ELAVL2: variants seen among roughly 807,000 people sequenced by gnomAD.
ELAVL2 encodes ELAV like RNA binding protein 2.
Under a neutral mutation model 34.6 loss-of-function variants are expected in ELAVL2, and 4 were observed. The observed-to-expected ratio is 0.12, with a 90% CI of 0.06 to 0.26. The LOEUF is 0.26. ELAVL2 is among the 10% of genes least tolerant of loss of function. ELAVL2 has a pLI of 1.00. For synonymous variants in ELAVL2, 193 were observed against 154.8 expected (o/e 1.25, Z -1.83); for missense variants, 432 against 442.8 (o/e 0.98, Z 0.22).
intron 5 of ELAVL2, among the ~76,000 whole-genome samples, chr9:23,695,884 G>A (rs1414082744): frequency 6.6e-6 from 1 of 152,180 alleles, no homozygotes; most frequent in South Asian, 2.1e-4. Context: ...TGTACATGCA[G>A]TGAGGGAGAA....
intron 5 of ELAVL2, among the ~76,000 whole-genome samples, chr9:23,698,463 G>T (rs2036027259): frequency 6.6e-6 from 1 of 151,918 alleles, no homozygotes; most frequent in Admixed American, 6.6e-5. Flanking sequence ...AAAAGATATG[G>T]CTCATACTTT....
At chr9:23,694,158 C>CAG (rs1330400810) in intron 5 of ELAVL2, among the ~76,000 whole-genome samples, 1 of 152,064 alleles carries the variant, frequency 6.6e-6, no homozygotes, top group Non-Finnish European at 1.5e-5. Context: ...GCCAAGAGTT[C>CAG]AGATCCTGAT....
chr9:23,788,351 T>C (rs974105032), intron 1 of ELAVL2, among the ~76,000 whole-genome samples: 1 of 152,146 alleles, frequency 6.6e-6, no homozygotes, highest in African/African-American at 2.4e-5. Context: ...AATAATCCTA[T>C]CATCTCATTC....
rs930289653 is a variant in ELAVL2, at chr9:23,690,809, C to T, written c.*1748G>A. ...CTGATGAAGGCATTTTTGCCTTCAG[C>T]TTTTTTGAAAATTTATTATAAGCTA... On this transcript the variant is annotated 3_prime_UTR_variant, in exon 7 of 7. Coordinates refer to ENST00000397312, the MANE Select transcript of ELAVL2 (RefSeq NM_004432.5). 1.3e-5 allele frequency: 2 copies of T among 152,384 alleles called. No homozygotes were observed. Among genetic ancestry groups the T allele is most frequent in the East Asian group, 3.9e-4 (2 of 5,184 alleles). The allele number at this position is 152,384 out of a possible 1,614,324, so 9.4% of individuals were successfully genotyped here. A position where few individuals can be genotyped will look rare whatever the true frequency, so the allele number is the denominator to read the frequency against.
In ELAVL2 at chr9:23,762,269, G is replaced by C. The variant is rs2055201174; in HGVS notation, c.-15-20C>G. On this transcript the variant is annotated intron_variant, in intron 1 of 6. Coordinates refer to ENST00000397312, the MANE Select transcript of ELAVL2 (RefSeq NM_004432.5). ...TACCTGCTAAAAACAGAGAAAACAAGAAATGTCAGAATTCATATTTCACAA... is the reference window on the plus strand; with the variant it reads ...TACCTGCTAAAAACAGAGAAAACAACAAATGTCAGAATTCATATTTCACAA... 1.9e-6 allele frequency: 3 copies of C among 1,610,566 alleles called. No individual in the cohort carries two copies. The highest frequency in any genetic ancestry group is 1.7e-5 in the Admixed American group (1 of 59,776).
intron 3 of ELAVL2, among the ~76,000 whole-genome samples, chr9:23,707,188 G>C (rs1349246530): frequency 6.6e-6 from 1 of 152,242 alleles, no homozygotes; most frequent in African/African-American, 2.4e-5. Context: ...CCAATTTCAA[G>C]TGATTAATGT....
chr9:23,702,629 C>T (rs1286796891), intron 4 of ELAVL2, among the ~76,000 whole-genome samples: 1 of 151,272 alleles, frequency 6.6e-6, no homozygotes, highest in Non-Finnish European at 1.5e-5. Context: ...AAAATTAATA[C>T]TGTGTAAGGT....
At chr9:23,699,812 G>GTTTTTTTTTTTTTTTTTTTTTTT (rs199637833) in intron 5 of ELAVL2, among the ~76,000 whole-genome samples, 2 of 82,970 alleles carry the variant, frequency 2.4e-5, no homozygotes, top group East Asian at 8.9e-4. Context: ...GGTGGCAAAG[G>GTTTTTTTTTTTTTTTTTTTTTTT]TTTTTTTTTT....
intron 3 of ELAVL2, among the ~76,000 whole-genome samples, chr9:23,728,276 G>A (rs1217495181): frequency 6.6e-6 from 1 of 152,074 alleles, no homozygotes; most frequent in Non-Finnish European, 1.5e-5. Context: ...GGAACAACCT[G>A]GAAAGACAGA....
At chr9:23,821,992 G>T (rs1339883706) in intron 1 of ELAVL2, 1 of 151,658 alleles carries the variant, frequency 6.6e-6, no homozygotes, top group Non-Finnish European at 1.5e-5. Context: ...CCGGGCTTCA[G>T]CAGCTCAGCT....
chr9:23,693,218 G>C (rs927907665), intron 6 of ELAVL2, among the ~76,000 whole-genome samples: 1 of 152,164 alleles, frequency 6.6e-6, no homozygotes, highest in African/African-American at 2.4e-5. Context: ...ATGCTGTAAC[G>C]TCGTAACGCA....
At chr9:23,831,992 G>C in the ELAVL2 span, among the ~76,000 whole-genome samples, 2 of 152,292 alleles carry the variant, frequency 1.3e-5, no homozygotes, top group South Asian at 2.1e-4. Context: ...GTAAAGTTTG[G>C]TGTGATAAGA....
chr9:23,727,886 A>G (rs1173264020), intron 3 of ELAVL2, among the ~76,000 whole-genome samples: 3 of 152,060 alleles, frequency 2.0e-5, no homozygotes, highest in Admixed American at 6.6e-5. Context: ...ACCACCTTTC[A>G]CAGCACTTGA....
chr9:23,746,497 G>A (rs1486585067), intron 2 of ELAVL2, among the ~76,000 whole-genome samples: 1 of 152,066 alleles, frequency 6.6e-6, no homozygotes, highest in Non-Finnish European at 1.5e-5. Flanking sequence ...TAAGTAGTAG[G>A]AAGTAAAACT....
upstream of ELAVL2, among the ~76,000 whole-genome samples, chr9:23,831,118 C>A (rs1489837188): frequency 6.6e-6 from 1 of 152,198 alleles, no homozygotes; most frequent in Non-Finnish European, 1.5e-5. Flanking sequence ...GCCCCTTTAC[C>A]GGGACCTGGG....
At chr9:23,761,685 A>G (rs986767407) in intron 2 of ELAVL2, among the ~76,000 whole-genome samples, 1 of 151,984 alleles carries the variant, frequency 6.6e-6, no homozygotes, top group African/African-American at 2.4e-5. Context: ...TGCTAACTTA[A>G]ATACACTCAG....
intron 1 of ELAVL2, among the ~76,000 whole-genome samples, chr9:23,768,723 A>G (rs2136228519): frequency 1.3e-5 from 2 of 152,310 alleles, no homozygotes; most frequent in South Asian, 4.1e-4. Flanking sequence ...ACCCTGGAAG[A>G]CAAGACAAAT....
intron 5 of ELAVL2, among the ~76,000 whole-genome samples, chr9:23,697,224 C>A (rs1342233909): frequency 1.3e-5 from 2 of 151,996 alleles, no homozygotes; most frequent in African/African-American, 4.8e-5. Context: ...AAATGTAAAT[C>A]AGAGTAAAGA....
At chr9:23,848,959 CT>C in the ELAVL2 span, among the ~76,000 whole-genome samples, 1 of 152,102 alleles carries the variant, frequency 6.6e-6, no homozygotes, top group African/African-American at 2.4e-5. Flanking sequence ...TAAAAGGCAA[CT>C]GAAAGTTTTT....
Sources: gnomAD v4.1 joint callset for allele counts (sites outside exome capture counted in the v4.1 genomes callset) on GRCh38, gnomAD v4.1.1 for gene constraint, MANE v1.5 for transcripts, NCBI Gene and HGNC (gene_info 2026-07-23, HGNC 2026-07-21) for gene names.